Variants in TFCP2L1 observed in about 807,000 individuals in gnomAD.
The protein encoded by TFCP2L1 is transcription factor CP2 like 1, also known as transcription factor CP2-like protein 1.
TFCP2L1 carries 12 observed loss-of-function variants against 72.2 expected under a neutral mutation model. That is an observed-to-expected ratio of 0.17 (90% CI 0.11 to 0.27). The LOEUF (loss-of-function observed/expected upper bound fraction) is 0.27. Among genes scored for constraint, TFCP2L1 ranks in the 10% least tolerant of loss-of-function variants. The probability of loss-of-function intolerance (pLI) is 1.00; values close to 1 mark genes in which losing one functional copy is unlikely to be tolerated. For missense variants in TFCP2L1, 488 were observed against 624.6 expected (o/e 0.78, Z 2.33); for synonymous variants, 260 against 251.0 (o/e 1.04, Z -0.34).
chr2:121,277,344 A>G (rs1687168916), intron 2 of TFCP2L1, among the ~76,000 whole-genome samples: 2 of 152,224 alleles, frequency 1.3e-5, no homozygotes, highest in Non-Finnish European at 2.9e-5. Flanking sequence ...CAAAAAAGAA[A>G]AGAAATGTTA....
intron 2 of TFCP2L1, among the ~76,000 whole-genome samples, chr2:121,274,019 G>A (rs906555287): frequency 6.0e-5 from 9 of 151,218 alleles, no homozygotes; most frequent in South Asian, 2.1e-4. Flanking sequence ...GCTTGAACCC[G>A]GGAGGCAGAG....
chr2:121,240,853 A>G (rs1686353256), intron 7 of TFCP2L1, among the ~76,000 whole-genome samples: 1 of 152,184 alleles, frequency 6.6e-6, no homozygotes. Context: ...CAGGTGACTG[A>G]CCTTCAGTCA....
intron 2 of TFCP2L1, among the ~76,000 whole-genome samples, chr2:121,259,326 A>G (rs892758094): frequency 1.3e-5 from 2 of 152,196 alleles, no homozygotes; most frequent in Non-Finnish European, 2.9e-5. Context: ...AACTCTCAAA[A>G]TATTCAGCGA....
intron 2 of TFCP2L1, among the ~76,000 whole-genome samples, chr2:121,266,777 G>A (rs1437452486): frequency 2.0e-5 from 3 of 152,104 alleles, no homozygotes; most frequent in East Asian, 1.9e-4. Context: ...CAATGCTTCC[G>A]TGCTTTATGA....
In TFCP2L1 at chr2:121,227,552, G is replaced by A. The variant is rs113364539; in HGVS notation, c.1342-1939C>T. Among the ~76,000 whole-genome samples, 118 of 152,018 alleles carry A rather than the reference G, an allele frequency of 7.8e-4. 2 individuals are homozygous for A. The South Asian group carries it at 0.01, about 13-fold the overall frequency. On this transcript the variant is annotated intron_variant, in intron 13 of 14. Transcript: ENST00000263707. ...CAAAATTAGCCGGGCACGGTGGCAG[G>A]TGCCTGTAATCCCAGCTACTCAGAA...
chr2:121,259,767 C>A (rs1026282897), intron 2 of TFCP2L1, among the ~76,000 whole-genome samples: 1 of 151,988 alleles, frequency 6.6e-6, no homozygotes, highest in South Asian at 2.1e-4. Flanking sequence ...ATTTGTAAGT[C>A]TAATATATAC....
chr2:121,237,684 G>A lies in TFCP2L1; in HGVS notation c.942C>T (p.Ala314=). ...HLLPSASIQD[A]QQWLHRNRFS... ...ACCTGTTGCGGTGAAGCCACTGCTG[G>A]GCATCCTGGATCGAAGCTGATGGGA... The change falls in exon 10 of 15, where the codon GCC becomes GCT. Residue 314 remains alanine (A), a synonymous_variant. Coordinates refer to ENST00000263707, the MANE Select transcript of TFCP2L1 (RefSeq NM_014553.3). 6.2e-7 allele frequency: 1 copy of A among 1,614,184 alleles called. No homozygotes were observed. Among genetic ancestry groups the A allele is most frequent in the Non-Finnish European group, 8.5e-7 (1 of 1,180,036 alleles).
intron 12 of TFCP2L1, among the ~76,000 whole-genome samples, chr2:121,233,653 G>A (rs1686188312): frequency 6.6e-6 from 1 of 152,114 alleles, no homozygotes; most frequent in Non-Finnish European, 1.5e-5. Context: ...ATCCCAGGCT[G>A]ACGCCTTTCA....
In TFCP2L1 at chr2:121,239,610, C is replaced by T. The variant is rs1163512752; in HGVS notation, c.808G>A (p.Ala270Thr). 21 of 1,614,000 alleles carry T rather than the reference C, an allele frequency of 1.3e-5. No individual in the cohort carries two copies. Among genetic ancestry groups the T allele is most frequent in the Middle Eastern group, 3.3e-4 (2 of 6,084 alleles). Reference protein sequence around the residue: ...WPDVAYQVNSAPSPSYNGSPN... With the variant: ...WPDVAYQVNSTPSPSYNGSPN... ...GAACCATTGTAGCTTGGGGACGGGG[C>T]GCTGTTCACCTGGTAGGCCACGTCG... The change falls in exon 8 of 15, where the codon GCC becomes ACC. Residue 270 changes from alanine (A) to threonine (T), a missense_variant. Transcript: ENST00000263707.
chr2:121,242,064 T>C (rs968115716), intron 7 of TFCP2L1, among the ~76,000 whole-genome samples: 5 of 113,698 alleles, frequency 4.4e-5, no homozygotes, highest in Non-Finnish European at 8.1e-5. Context: ...TTCAAAACCA[T>C]GTGAATACAT....
intron 2 of TFCP2L1, among the ~76,000 whole-genome samples, chr2:121,269,955 T>A (rs1687014502): frequency 6.9e-6 from 1 of 145,196 alleles, no homozygotes; most frequent in Non-Finnish European, 1.5e-5. Context: ...AATAAACTAA[T>A]TTAAAAAGGA....
chr2:121,235,172 C>A (rs756772650), intron 11 of TFCP2L1, 49 bp downstream of exon 11: 3 of 1,603,482 alleles, frequency 1.9e-6, no homozygotes, highest in South Asian at 1.1e-5. Context: ...CCACCACATG[C>A]CACGGGACAT....
chr2:121,271,410 C>T (rs966667465), intron 2 of TFCP2L1, among the ~76,000 whole-genome samples: 1 of 152,046 alleles, frequency 6.6e-6, no homozygotes, highest in South Asian at 2.1e-4. Context: ...TATGGTTTGG[C>T]TGTTCTATTT....
At chr2:121,271,954 T>C (rs1376579551) in intron 2 of TFCP2L1, among the ~76,000 whole-genome samples, 1 of 152,020 alleles carries the variant, frequency 6.6e-6, no homozygotes, top group East Asian at 1.9e-4. Context: ...AAGGAGGCAT[T>C]TTCTCCCCAC....
At chr2:121,283,469 T>C (rs1410186075) in intron 1 of TFCP2L1, among the ~76,000 whole-genome samples, 5 of 152,200 alleles carry the variant, frequency 3.3e-5, no homozygotes, top group Admixed American at 3.3e-4. Context: ...TCTTTATCCA[T>C]GGTCCCCCGA....
At chr2:121,242,511 C>T (rs373878546) in intron 6 of TFCP2L1, 42 bp from the exon 7 acceptor site, 39 of 1,591,960 alleles carry the variant, frequency 2.4e-5, no homozygotes, top group Non-Finnish European at 3.0e-5. Flanking sequence ...AAAACCAACA[C>T]AGGCAGCAGC....
intron 7 of TFCP2L1, 75 bp from the exon 8 acceptor site, chr2:121,239,724 G>T: frequency 7.1e-7 from 1 of 1,402,892 alleles, no homozygotes; most frequent in Non-Finnish European, 9.8e-7. Flanking sequence ...TCCCAAGCAG[G>T]CATGCACTGA....
At chr2:121,238,657 G>A (rs754425174) in intron 8 of TFCP2L1, among the ~76,000 whole-genome samples, 26 of 152,070 alleles carry the variant, frequency 1.7e-4, no homozygotes, top group Non-Finnish European at 3.4e-4. Flanking sequence ...TGCAAGCATC[G>A]TACACTTGTT....
intron 13 of TFCP2L1, among the ~76,000 whole-genome samples, chr2:121,228,042 G>A (rs1026458211): frequency 2.6e-5 from 4 of 152,250 alleles, no homozygotes; most frequent in Non-Finnish European, 4.4e-5. Context: ...CCCAGGGGCC[G>A]GCTCCGCGGC....
Sources: allele counts gnomAD v4.1 joint callset (sites outside exome capture counted in the v4.1 genomes callset), GRCh38; gene constraint gnomAD v4.1.1; transcripts MANE v1.5; gene names NCBI Gene and HGNC (gene_info 2026-07-23, HGNC 2026-07-21).